MERTK: variants seen among roughly 807,000 people sequenced by gnomAD.
MERTK encodes the protein tyrosine-protein kinase Mer.
In MERTK, 69 loss-of-function variants were observed where a neutral mutation model predicts 99.3. That is an observed-to-expected ratio of 0.70 (90% CI 0.57 to 0.85). The LOEUF is 0.85. Ranked by LOEUF, MERTK falls within the 40% of genes least tolerant of loss-of-function variation. The probability of loss-of-function intolerance (pLI) is 0.00; values close to 1 mark genes in which losing one functional copy is unlikely to be tolerated. For synonymous variants in MERTK, 426 were observed against 467.6 expected, an observed-to-expected ratio of 0.91 and a Z score of 1.15; for missense variants, 1,125 against 1,249.4, an observed-to-expected ratio of 0.90 and a Z score of 1.50.
intron 9 of MERTK, chr2:111,997,008 G>T (rs192363062): frequency 1.2e-4 from 45 of 373,450 alleles, no homozygotes; most frequent in African/African-American, 9.1e-4. Context: ...CGTGTATAAT[G>T]ACATGAGTTT....
intron 1 of MERTK, among the ~76,000 whole-genome samples, chr2:111,927,964 A>T (rs1410604747): frequency 6.6e-6 from 1 of 152,178 alleles, no homozygotes; most frequent in East Asian, 1.9e-4. Context: ...TGAATAGATA[A>T]CAACCAGTGT....
chr2:111,947,345 C>G (rs1684978182), intron 3 of MERTK, 49 bp from the exon 4 acceptor site: 1 of 1,464,688 alleles, frequency 6.8e-7, no homozygotes, highest in Non-Finnish European at 9.2e-7. Context: ...TGGGCTCTGT[C>G]TCTGTTTTCA....
At chr2:111,997,585 T>C in intron 10 of MERTK, 109 bp downstream of exon 10, 1 of 1,312,122 alleles carries the variant, frequency 7.6e-7, no homozygotes, top group Non-Finnish European at 1.1e-6. Flanking sequence ...CCCAGATGGC[T>C]GCCCTGCCTT....
At chr2:112,010,415 G>T in intron 15 of MERTK, 1 of 272,660 alleles carries the variant, frequency 3.7e-6, no homozygotes, top group Non-Finnish European at 7.3e-6. Context: ...CATTGAAGGT[G>T]GCTCTCCTAA....
Position 111,926,053 on chromosome 2 carries a change from G to T in MERTK, c.62-3067G>T, listed in dbSNP as rs563461881. On this transcript the variant is annotated intron_variant, in intron 1 of 18. Transcript: ENST00000295408. ...TCACCGTGTTAGCCAGGATGGTCTC[G>T]ATCTCCTGACCTCGTGATCCGCCTG... is the stretch of plus-strand genomic sequence containing the variant. 5.3e-5 allele frequency among the ~76,000 whole-genome samples: 8 copies of T among 151,426 alleles called. No individual in the cohort carries two copies. The South Asian group carries it at 1.5e-3, about 28-fold the overall frequency.
intron 3 of MERTK, 116 bp from the exon 4 acceptor site, chr2:111,947,278 G>GC (rs1684976142): frequency 1.6e-4 from 58 of 371,048 alleles, no homozygotes; most frequent in East Asian, 3.0e-4. Context: ...ATCCCCACCC[G>GC]CCCCCCACAA....
At chr2:111,957,880 G>T (rs1284124035) in intron 4 of MERTK, among the ~76,000 whole-genome samples, 4 of 152,144 alleles carry the variant, frequency 2.6e-5, no homozygotes, top group African/African-American at 4.8e-5. Flanking sequence ...TAATTTGCGG[G>T]ATTGCTTAAT....
At chr2:111,915,601 A>C (rs1684336489) in intron 1 of MERTK, among the ~76,000 whole-genome samples, 1 of 151,762 alleles carries the variant, frequency 6.6e-6, no homozygotes, top group South Asian at 2.1e-4. Context: ...TCTTTGACCC[A>C]TGGACTATTT....
At chr2:111,984,311 A>G (rs751145891) in intron 8 of MERTK, among the ~76,000 whole-genome samples, 1 of 152,082 alleles carries the variant, frequency 6.6e-6, no homozygotes, top group Non-Finnish European at 1.5e-5. Context: ...TAATAATCTC[A>G]CTGGAAACAC....
chr2:111,975,735 T>G (rs1327161402), intron 7 of MERTK, among the ~76,000 whole-genome samples: 1 of 152,170 alleles, frequency 6.6e-6, no homozygotes, highest in East Asian at 1.9e-4. Flanking sequence ...TAAAACATGC[T>G]CTCTCACAAC....
At chr2:112,017,226 ATTGGTGC>A (rs1373852600) in intron 15 of MERTK, among the ~76,000 whole-genome samples, 42 of 152,276 alleles carry the variant, frequency 2.8e-4, no homozygotes, top group African/African-American at 9.9e-4. Flanking sequence ...CAGAGTGCTG[ATTGGTGC>A]ATTTACAGTC....
intron 4 of MERTK, among the ~76,000 whole-genome samples, chr2:111,951,344 C>T (rs1001692977): frequency 1.3e-5 from 2 of 151,934 alleles, no homozygotes; most frequent in Admixed American, 6.6e-5. Context: ...TTTTAAACCA[C>T]GGTTCTATTC....
At chr2:111,910,291 CAA>C (rs1299577772) in intron 1 of MERTK, among the ~76,000 whole-genome samples, 2 of 144,864 alleles carry the variant, frequency 1.4e-5, no homozygotes, top group African/African-American at 5.2e-5. Flanking sequence ...TTTTTTGAGA[CAA>C]AGTCTCGCTC....
Position 111,982,547 on chromosome 2 carries a change from T to G in MERTK, c.1145-295T>G, listed in dbSNP as rs186932341. ...AGATGTGCACCAAGTAGTCAGCTAA[T>G]TTTTTAGTTTTTTGTTTTGTTTTGT... is the stretch of plus-strand genomic sequence containing the variant. On this transcript the variant is annotated intron_variant, in intron 7 of 18. Coordinates refer to ENST00000295408, the MANE Select transcript of MERTK (RefSeq NM_006343.3). 2.0e-4 allele frequency among the ~76,000 whole-genome samples: 30 copies of G among 152,278 alleles called. No homozygotes were observed. The East Asian group carries it at 5.4e-3, about 27-fold the overall frequency.
chr2:111,986,243 T>C (rs1290871042), intron 8 of MERTK, among the ~76,000 whole-genome samples: 1 of 152,222 alleles, frequency 6.6e-6, no homozygotes, highest in African/African-American at 2.4e-5. Flanking sequence ...GCCTTTCCTT[T>C]TGTCTTTTGC....
intron 1 of MERTK, among the ~76,000 whole-genome samples, chr2:111,924,512 C>G (rs1394974441): frequency 6.6e-6 from 1 of 152,130 alleles, no homozygotes; most frequent in Non-Finnish European, 1.5e-5. Context: ...ACTGACTGCC[C>G]CTGTAGTCAG....
At chr2:111,975,149 T>A (rs6748219) in intron 6 of MERTK, 140 bp from the exon 7 acceptor site, 2 of 816,126 alleles carry the variant, frequency 2.5e-6, no homozygotes, top group South Asian at 1.4e-5. Context: ...AGCGGTAAAA[T>A]GTGTGTGTGC....
chr2:112,029,130 C>A lies in MERTK; in HGVS notation c.*266C>A, dbSNP rs1422744793. On this transcript the variant is annotated 3_prime_UTR_variant, in exon 19 of 19. Coordinates refer to ENST00000295408, the MANE Select transcript of MERTK (RefSeq NM_006343.3). Reference sequence around the variant, plus strand: ...ATTTCATTTCACTTATCTTGCATATCTTAAAATTAAGCTTCAGCTGCTCCT... The same window carrying A: ...ATTTCATTTCACTTATCTTGCATATATTAAAATTAAGCTTCAGCTGCTCCT... 3 of 1,113,462 alleles carry A rather than the reference C, an allele frequency of 2.7e-6. No individual in the cohort carries two copies. The highest frequency in any genetic ancestry group is 1.1e-6 in the Non-Finnish European group (1 of 905,248). The allele number at this position is 1,113,462 out of a possible 1,614,324, so 69.0% of individuals were successfully genotyped here. A position where few individuals can be genotyped will look rare whatever the true frequency, so the allele number is the denominator to read the frequency against.
At chr2:111,978,626 A>G (rs1676305408) in intron 7 of MERTK, among the ~76,000 whole-genome samples, 1 of 152,166 alleles carries the variant, frequency 6.6e-6, no homozygotes, top group South Asian at 2.1e-4. Context: ...CCTTTTCATA[A>G]CTGTTTCAAT....
Sources: gnomAD v4.1 joint callset for allele counts (sites outside exome capture counted in the v4.1 genomes callset) on GRCh38, gnomAD v4.1.1 for gene constraint, MANE v1.5 for transcripts, NCBI Gene and HGNC (gene_info 2026-07-23, HGNC 2026-07-21) for gene names.